VGLL4: variants seen among roughly 807,000 people sequenced by gnomAD.
VGLL4 encodes transcription cofactor vestigial-like protein 4.
Under a neutral mutation model 21.0 loss-of-function variants are expected in VGLL4, and 7 were observed. That is an observed-to-expected ratio of 0.33 (90% CI 0.19 to 0.63). The LOEUF is 0.63. VGLL4 is among the 20% of genes least tolerant of loss of function. The probability of loss-of-function intolerance (pLI) is 0.78; values close to 1 mark genes in which losing one functional copy is unlikely to be tolerated. For missense variants in VGLL4, 394 were observed against 425.7 expected, an observed-to-expected ratio of 0.93 and a Z score of 0.66; for synonymous variants, 222 against 173.2, an observed-to-expected ratio of 1.28 and a Z score of -2.21.
chr3:11,564,884 C>T lies in VGLL4; in HGVS notation c.408G>A (p.Glu136=). The change falls in exon 3 of 5, where the codon GAG becomes GAA. Residue 136 remains glutamate, a synonymous_variant. Coordinates refer to ENST00000430365, the MANE Select transcript of VGLL4 (RefSeq NM_001128219.3). The part of the protein sequence containing the change: ...LYTSLPSLGL[E]QPLALTKNSL... The stretch of plus-strand genomic sequence containing the variant: ...TGTTCTTGGTCAGTGCGAGGGGCTG[C>T]TCCAGGCCAAGGCTGGGGAGGGAGG... 6.2e-7 allele frequency: 1 copy of T among 1,608,630 alleles called. No homozygotes were observed. Among genetic ancestry groups the T allele is most frequent in the Non-Finnish European group, 8.5e-7 (1 of 1,178,124 alleles).
At chr3:11,683,365 G>A (rs764713614) in intron 2 of VGLL4, among the ~76,000 whole-genome samples, 3 of 152,138 alleles carry the variant, frequency 2.0e-5, no homozygotes, top group Non-Finnish European at 4.4e-5. Context: ...TCTATGGAAA[G>A]CAGTATAGAG....
At chr3:11,714,470 C>T (rs1023401949) in intron 1 of VGLL4, among the ~76,000 whole-genome samples, 6 of 151,454 alleles carry the variant, frequency 4.0e-5, no homozygotes, top group Non-Finnish European at 7.4e-5. Flanking sequence ...GCAGGTGGAT[C>T]GCTTGAGGCC....
rs75127413 is a variant in VGLL4 at position 11,565,657 on chromosome 3, C to T, written c.273-638G>A. On this transcript the variant is annotated intron_variant, in intron 2 of 4. Coordinates refer to ENST00000430365, the MANE Select transcript of VGLL4 (RefSeq NM_001128219.3). The surrounding 1 kb of genome is among the most constrained non-coding windows in gnomAD (Gnocchi z 4.1). ...GTAGGGAGCCGGCGCGCAGCTCTCT[C>T]GTCCAGGACACACGAGCAGGAGTGA... 2.6e-4 allele frequency among the ~76,000 whole-genome samples: 40 copies of T among 152,340 alleles called. No homozygotes were observed. In the East Asian group the frequency reaches 6.6e-3, roughly 25 times the overall value.
chr3:11,601,432 T>A (rs1333850360), intron 2 of VGLL4, among the ~76,000 whole-genome samples: 1 of 152,170 alleles, frequency 6.6e-6, no homozygotes, highest in Non-Finnish European at 1.5e-5. Flanking sequence ...GTCAAAAAGG[T>A]GCTGAGCTTC....
At chr3:11,575,676 C>T (rs2074017512) in intron 2 of VGLL4, among the ~76,000 whole-genome samples, 1 of 152,242 alleles carries the variant, frequency 6.6e-6, no homozygotes, top group African/African-American at 2.4e-5. Context: ...TAGTTAGAGA[C>T]CTGTCGGAAA....
At chr3:11,607,488 T>G (rs181391363) in intron 1 of VGLL4, 36 of 152,278 alleles carry the variant, frequency 2.4e-4, no homozygotes, top group Middle Eastern at 6.8e-3. Flanking sequence ...GACAAAAACC[T>G]TCTAAAATTG....
chr3:11,566,147 C>G (rs2073487407), intron 2 of VGLL4, among the ~76,000 whole-genome samples: 1 of 152,200 alleles, frequency 6.6e-6, no homozygotes, highest in Non-Finnish European at 1.5e-5. Context: ...GAATATGTTA[C>G]ACACACAATG....
At chr3:11,609,940 G>T (rs1020700256) in intron 1 of VGLL4, among the ~76,000 whole-genome samples, 1 of 152,154 alleles carries the variant, frequency 6.6e-6, no homozygotes, top group Non-Finnish European at 1.5e-5. Flanking sequence ...ATGCCGTGCC[G>T]AACAGAGAGT....
chr3:11,586,089 C>G (rs1322366977), intron 2 of VGLL4, among the ~76,000 whole-genome samples: 2 of 152,106 alleles, frequency 1.3e-5, no homozygotes, highest in Non-Finnish European at 2.9e-5. Flanking sequence ...TAGTGTGATT[C>G]ATTACTGAAT....
chr3:11,607,948 G>A (rs952036025), intron 1 of VGLL4, among the ~76,000 whole-genome samples: 3 of 152,174 alleles, frequency 2.0e-5, no homozygotes, highest in African/African-American at 7.2e-5. Context: ...CACACTGAAG[G>A]CTGTGCAAAG....
intron 1 of VGLL4, among the ~76,000 whole-genome samples, chr3:11,634,440 C>T (rs1002979756): frequency 6.6e-6 from 1 of 152,204 alleles, no homozygotes; most frequent in Non-Finnish European, 1.5e-5. Context: ...TGCCTTACCC[C>T]TATCTCTTGC....
chr3:11,604,612 C>G lies in VGLL4; in HGVS notation c.83-2590G>C. ...TGTAAAACTGAAGCAGACATTTGTT[C>G]TGGGAGATAAGACACTTGCATTGCA... On this transcript the variant is annotated intron_variant, in intron 1 of 4. Coordinates refer to ENST00000430365, the MANE Select transcript of VGLL4 (RefSeq NM_001128219.3). The G allele has an allele frequency of 3.6e-6, 3 of 831,366 alleles. 1 individual carries two copies. Among genetic ancestry groups the G allele is most frequent in the South Asian group, 1.2e-4 (2 of 16,548 alleles). 51.5% of individuals were successfully genotyped at this position (831,366 alleles called of 1,614,324 possible).
Position 11,719,895 on chromosome 3 carries a change from C to A in VGLL4, c.-14+499G>T, listed in dbSNP as rs965755658. On this transcript the variant is annotated intron_variant, in intron 1 of 5. Transcript: ENST00000273038. The surrounding 1 kb of genome is among the most constrained non-coding windows in gnomAD (Gnocchi z 4.0). ...TCGGGGCGGGCGCTCCCGAGAGGCG[C>A]CAGCGGGCAGGGCGAGTGGACATGG... 2.2e-4 allele frequency among the ~76,000 whole-genome samples: 34 copies of A among 152,232 alleles called. No individual in the cohort carries two copies. The highest frequency in any genetic ancestry group is 4.0e-4 in the Non-Finnish European group (27 of 67,982).
chr3:11,625,767 A>T (rs922696838), intron 1 of VGLL4, among the ~76,000 whole-genome samples: 10 of 151,870 alleles, frequency 6.6e-5, no homozygotes, highest in African/African-American at 2.4e-4. Context: ...AGGAACTACT[A>T]CTCAGCAATA....
intron 1 of VGLL4, among the ~76,000 whole-genome samples, chr3:11,639,236 G>A (rs537727237): frequency 4.6e-5 from 7 of 152,346 alleles, no homozygotes; most frequent in South Asian, 4.1e-4. Context: ...AGGAAAGCCC[G>A]TGGTCTAACC....
chr3:11,583,184 GA>G (rs1164498942), intron 2 of VGLL4, among the ~76,000 whole-genome samples: 1 of 152,194 alleles, frequency 6.6e-6, no homozygotes, highest in African/African-American at 2.4e-5. Flanking sequence ...GCTGCTTTCA[GA>G]AAGTAACACC....
intron 3 of VGLL4, among the ~76,000 whole-genome samples, chr3:11,561,297 C>T (rs755407073): frequency 7.2e-5 from 11 of 152,170 alleles, no homozygotes; most frequent in Admixed American, 1.3e-4. Context: ...GCCTTTATGT[C>T]AGTCTATCCA....
At chr3:11,710,833 C>T (rs2076831911) in intron 1 of VGLL4, among the ~76,000 whole-genome samples, 2 of 152,186 alleles carry the variant, frequency 1.3e-5, no homozygotes, top group South Asian at 4.1e-4. Flanking sequence ...GGCACCGTGG[C>T]TCATGCATAT....
chr3:11,692,984 C>T (rs749240267), intron 2 of VGLL4: 27 of 159,610 alleles, frequency 1.7e-4, no homozygotes, highest in South Asian at 1.0e-3. Context: ...ACCTGGGTGA[C>T]GTGGTGACAC....
Sources: gnomAD v4.1 joint callset for allele counts (sites outside exome capture counted in the v4.1 genomes callset) on GRCh38, gnomAD v4.1.1 for gene constraint, Gnocchi (gnomAD v3.1) non-coding constraint, MANE v1.5 for transcripts, NCBI Gene and HGNC (gene_info 2026-07-23, HGNC 2026-07-21) for gene names.